Variants in PCNX4 observed in about 807,000 individuals in gnomAD.
PCNX4 encodes the protein pecanex-like protein 4.
Under a neutral mutation model 107.2 loss-of-function variants are expected in PCNX4, and 103 were observed. The observed-to-expected ratio is 0.96, with a 90% CI of 0.82 to 1.13. PCNX4 has a LOEUF of 1.13. PCNX4 is among the 50% of genes most tolerant of loss of function. The pLI is 0.00. For synonymous variants in PCNX4, 541 were observed against 481.7 expected (o/e 1.12, Z -1.61); for missense variants, 1,528 against 1,379.4 (o/e 1.11, Z -1.71).
rs185127282 is a variant in PCNX4, at chr14:60,121,610, A to G, written c.2046+311A>G. On this transcript the variant is annotated intron_variant, in intron 8 of 10. Transcript: ENST00000406854. ...TTTTTTTTTAACTCCTATATCATTT[A>G]AGCATTCTCAACTTAATAAAAACTG... is the stretch of plus-strand genomic sequence containing the variant. Among the ~76,000 whole-genome samples, 14 of 152,186 alleles carry G rather than the reference A, an allele frequency of 9.2e-5. No individual in the cohort carries two copies. In the East Asian group the frequency reaches 1.5e-3, roughly 17 times the overall value.
rs1896220104 is a variant in PCNX4 at position 60,135,012 on chromosome 14, A to G, written c.*791A>G. The G allele has an allele frequency of 6.6e-6, 1 of 152,226 alleles. No homozygotes were observed. The highest frequency in any genetic ancestry group is 2.4e-5 in the African/African-American group (1 of 41,456). 9.4% of individuals were successfully genotyped at this position (152,226 alleles called of 1,614,324 possible). A position where few individuals can be genotyped will look rare whatever the true frequency, so the allele number is the denominator to read the frequency against. ...CTACCAGTTACTAGTGTCTTAAGGT[A>G]TATGAACTAAAGTCAGAAGGAGATG... On this transcript the variant is annotated 3_prime_UTR_variant, in exon 11 of 11. Transcript: ENST00000406854.
intron 1 of PCNX4, among the ~76,000 whole-genome samples, chr14:60,099,177 A>T (rs898370660): frequency 6.6e-6 from 1 of 152,184 alleles, no homozygotes; most frequent in Non-Finnish European, 1.5e-5. Context: ...AGAGCAACTG[A>T]AAATTAAGTT....
intron 2 of PCNX4, among the ~76,000 whole-genome samples, chr14:60,112,882 T>G (rs1463038923): frequency 6.6e-6 from 1 of 152,210 alleles, no homozygotes; most frequent in Non-Finnish European, 1.5e-5. Flanking sequence ...GCTCATTAAT[T>G]CTCTGCTCAT....
Position 60,134,153 on chromosome 14 carries a change from C to A in PCNX4, c.3451C>A (p.Gln1151Lys), listed in dbSNP as rs1161012879. The A allele has an allele frequency of 6.2e-7, 1 of 1,613,740 alleles. No homozygotes were observed. The highest frequency in any genetic ancestry group is 1.1e-5 in the South Asian group (1 of 91,078). ...ACTACTTTTAAGAAATCTTACGGTACAAGCAGCAGAACCTCCCCTGGGATA... is the reference window on the plus strand; with the variant it reads ...ACTACTTTTAAGAAATCTTACGGTAAAAGCAGCAGAACCTCCCCTGGGATA... ...HPLLLRNLTV[Q>K]AAEPPLGYPI... The change falls in exon 11 of 11, where the codon CAA (glutamine) becomes AAA (lysine). Residue 1151 changes from glutamine to lysine, a missense_variant. Physicochemically the swap from Gln to Lys is moderately conservative, Grantham distance 53. Transcript: ENST00000406854.
In PCNX4 at chr14:60,118,426, G is replaced by A. The variant is rs774220888; in HGVS notation, c.1676G>A (p.Arg559Gln). 14 of 1,613,284 alleles carry A rather than the reference G, an allele frequency of 8.7e-6. No homozygotes were observed. The highest frequency in any genetic ancestry group is 4.4e-5 in the South Asian group (4 of 91,034). The part of the protein sequence containing the change: ...LTSWTEKKQR[R>Q]KTTATLCILN... ...TCATGGACAGAGAAAAAACAACGTCGAAAAACAACTGCCACTTTATGTATA... is the reference window on the plus strand; with the variant it reads ...TCATGGACAGAGAAAAAACAACGTCAAAAAACAACTGCCACTTTATGTATA... Residue 559 changes from arginine to glutamine, a missense_variant, in exon 7 of 11, where the codon CGA (arginine) becomes CAA (glutamine). Transcript: ENST00000406854.
intron 9 of PCNX4, 61 bp downstream of exon 9, chr14:60,125,312 A>G (rs308989): frequency 0.16 from 219,529 of 1,385,790 alleles, 23,849 homozygotes; most frequent in African/African-American, 0.51. Context: ...ATTTTTCTAA[A>G]TCACGTACAA....
chr14:60,102,870 G>T (rs1555392575), intron 1 of PCNX4, among the ~76,000 whole-genome samples: 2 of 152,136 alleles, frequency 1.3e-5, no homozygotes, highest in Admixed American at 1.3e-4. Context: ...GCATTTAGAA[G>T]ATTTCTTTGT....
chr14:60,099,197 C>A (rs1230519448), intron 1 of PCNX4, among the ~76,000 whole-genome samples: 1 of 152,134 alleles, frequency 6.6e-6, no homozygotes, highest in Non-Finnish European at 1.5e-5. Flanking sequence ...TCTTTCATAT[C>A]ATGCTTTTGA....
In PCNX4 at chr14:60,146,772, T is replaced by C. The variant is rs1404846139; in HGVS notation, c.*12551T>C. 1.3e-5 allele frequency: 2 copies of C among 152,088 alleles called. No individual in the cohort carries two copies. Among genetic ancestry groups the C allele is most frequent in the African/African-American group, 2.4e-5 (1 of 41,400 alleles). 9.4% of individuals were successfully genotyped at this position (152,088 alleles called of 1,614,324 possible). A position where few individuals can be genotyped will look rare whatever the true frequency, so the allele number is the denominator to read the frequency against. ...GGAACTCCTGGCATTTGTGAAAACA[T>C]GGATAATGAATGGACGTTAATGCTA... On this transcript the variant is annotated 3_prime_UTR_variant, in exon 11 of 11. Transcript: ENST00000406854. This position sits in a 1 kb window ranked among gnomAD's most constrained non-coding sequence, Gnocchi z 4.9.
At chr14:60,113,084 G>A (rs1158733889) in intron 2 of PCNX4, among the ~76,000 whole-genome samples, 1 of 152,184 alleles carries the variant, frequency 6.6e-6, no homozygotes, top group Non-Finnish European at 1.5e-5. Flanking sequence ...GGGGGGCTGA[G>A]GCAGGAGAAT....
rs756054073 is a variant in PCNX4 at position 60,115,725 on chromosome 14, C to A, written c.1364C>A (p.Pro455His). ...VRRILLTLVS[P>H]FAMIAFLSLD... ...TCTTTTTGTTTTGTTTTAGTATCACCTTTTGCCATGATAGCATTTCTTTCA... is the reference window on the plus strand; with the variant it reads ...TCTTTTTGTTTTGTTTTAGTATCACATTTTGCCATGATAGCATTTCTTTCA... The change falls in exon 5 of 11, where the codon CCT becomes CAT. Residue 455 changes from proline to histidine, a missense_variant. Transcript: ENST00000406854. The A allele has an allele frequency of 6.2e-7, 1 of 1,611,632 alleles. No individual in the cohort carries two copies. Among genetic ancestry groups the A allele is most frequent in the South Asian group, 1.1e-5 (1 of 90,916 alleles).
At chr14:60,127,581 C>T (rs979482377) in intron 10 of PCNX4, among the ~76,000 whole-genome samples, 6 of 152,188 alleles carry the variant, frequency 3.9e-5, no homozygotes, top group African/African-American at 1.4e-4. Context: ...ATACTGACTT[C>T]ACTACAATAA....
In PCNX4 at chr14:60,134,357, G is replaced by T; in HGVS notation, c.*136G>T. 1 of 1,133,522 alleles carries T rather than the reference G, an allele frequency of 8.8e-7. No homozygotes were observed. The highest frequency in any genetic ancestry group is 2.4e-5 in the East Asian group (1 of 42,302). 70.2% of individuals were successfully genotyped at this position (1,133,522 alleles called of 1,614,324 possible). On this transcript the variant is annotated 3_prime_UTR_variant, in exon 11 of 11. Transcript: ENST00000406854. ...CCTGAGAACAGCTAAGCTCCGTAAA[G>T]TTGGTTCTCTTAGCCATCTTAATGG...
rs943682297 is a variant in PCNX4 at position 60,134,292 on chromosome 14, T to A, written c.*71T>A. 12 of 1,546,384 alleles carry A rather than the reference T, an allele frequency of 7.8e-6. No homozygotes were observed. The Admixed American group carries it at 8.7e-5, about 11-fold the overall frequency. On this transcript the variant is annotated 3_prime_UTR_variant, in exon 11 of 11. Transcript: ENST00000406854. ...TTCATCCTAAAAAAGTAACTGTGAT[T>A]CTTGTAACTTGAGGACTTCTCCACA...
intron 1 of PCNX4, among the ~76,000 whole-genome samples, chr14:60,099,776 G>A (rs1195361233): frequency 6.6e-6 from 1 of 152,140 alleles, no homozygotes; most frequent in East Asian, 1.9e-4. Flanking sequence ...AAAGGTAATG[G>A]TCAGGTGCAG....
intron 10 of PCNX4, among the ~76,000 whole-genome samples, chr14:60,128,009 AGTGAACTT>A (rs1896086583): frequency 6.6e-6 from 1 of 152,182 alleles, no homozygotes; most frequent in African/African-American, 2.4e-5. Flanking sequence ...AGAAAGAATT[AGTGAACTT>A]GAAGATTCTA....
rs747229464 is a variant in PCNX4, at chr14:60,124,518, C to G, written c.2347C>G (p.His783Asp). 6.2e-7 allele frequency: 1 copy of G among 1,613,744 alleles called. No individual in the cohort carries two copies. Among genetic ancestry groups the G allele is most frequent in the East Asian group, 2.2e-5 (1 of 44,874 alleles). ...SKRPGMKENV[H>D]NTENKGKAPL... Reference sequence around the variant, plus strand: ...AAGGCCTGGCATGAAAGAGAATGTTCACAACACTGAAAATAAAGGGAAAGC... The same window carrying G: ...AAGGCCTGGCATGAAAGAGAATGTTGACAACACTGAAAATAAAGGGAAAGC... Residue 783 changes from histidine to aspartate, a missense_variant, in exon 9 of 11, where the codon CAC (histidine) becomes GAC (aspartate). By Grantham distance (81) the His-to-Asp change is moderately conservative. Transcript: ENST00000406854.
intron 1 of PCNX4, among the ~76,000 whole-genome samples, chr14:60,102,684 GT>G (rs1033948034): frequency 6.6e-6 from 1 of 151,982 alleles, no homozygotes; most frequent in Non-Finnish European, 1.5e-5. Context: ...TCACAGTTTT[GT>G]TTTTTTCCTA....
At position 60,115,820 on chromosome 14, in the gene PCNX4, G is replaced by C. The variant is rs752502118; in HGVS notation, c.1458+1G>C. On this transcript the variant is annotated splice_donor_variant, in intron 5 of 10. Coordinates refer to ENST00000406854, the MANE Select transcript of PCNX4 (RefSeq NM_001330177.2). LOFTEE classifies it high-confidence loss of function. ...TGGATTCACAAGAGCCTTTAGAATG[G>C]TAATCCTAATATGTGTTTAATAGTA... is the stretch of plus-strand genomic sequence containing the variant. 6 of 1,607,470 alleles carry C rather than the reference G, an allele frequency of 3.7e-6. No homozygotes were observed. The East Asian group carries it at 1.3e-4, about 36-fold the overall frequency.
Sources: gnomAD v4.1 joint callset for allele counts (sites outside exome capture counted in the v4.1 genomes callset) on GRCh38, gnomAD v4.1.1 for gene constraint, Gnocchi (gnomAD v3.1) non-coding constraint, MANE v1.5 for transcripts, NCBI Gene and HGNC (gene_info 2026-07-23, HGNC 2026-07-21) for gene names.